Variants in ABCB5 observed in about 807,000 individuals in gnomAD.
The protein encoded by ABCB5 is ATP binding cassette subfamily B member 5.
ABCB5 carries 155 observed loss-of-function variants against 144.2 expected under a neutral mutation model. The ratio of observed to expected loss-of-function variants is 1.08; its 90% CI spans 0.94 to 1.23. ABCB5 has a LOEUF of 1.23. Ranked by LOEUF, ABCB5 falls within the 50% of genes most tolerant of loss-of-function variation. The probability of loss-of-function intolerance (pLI) is 0.00; values close to 1 mark genes in which losing one functional copy is unlikely to be tolerated. For synonymous variants in ABCB5, 610 were observed against 528.6 expected, an observed-to-expected ratio of 1.15 and a Z score of -2.11; for missense variants, 1,830 against 1,520.8, an observed-to-expected ratio of 1.20 and a Z score of -3.38.
chr7:20,672,181 G>T (rs137982398), intron 14 of ABCB5, among the ~76,000 whole-genome samples: 1 of 152,098 alleles, frequency 6.6e-6, no homozygotes, highest in African/African-American at 2.4e-5. Flanking sequence ...ACTGGGTTTT[G>T]AGAATTCTTT....
At chr7:20,633,468 T>C (rs546660335) in intron 5 of ABCB5, among the ~76,000 whole-genome samples, 2 of 152,264 alleles carry the variant, frequency 1.3e-5, no homozygotes, top group South Asian at 4.1e-4. Context: ...TAATTCTTTT[T>C]TTAATTAAAA....
chr7:20,643,095 CTCAA>C, intron 5 of ABCB5, 85 bp from the exon 6 acceptor site: 2 of 1,145,228 alleles, frequency 1.7e-6, no homozygotes, highest in Non-Finnish European at 2.4e-6. Context: ...CATAAATTTC[CTCAA>C]TCAAATACTG....
At chr7:20,755,172 C>G (rs1442057732) in intron 27 of ABCB5, among the ~76,000 whole-genome samples, 2 of 152,182 alleles carry the variant, frequency 1.3e-5, no homozygotes, top group Non-Finnish European at 2.9e-5. Context: ...TGGTCTCGAA[C>G]TCCTGACCTC....
In ABCB5 at chr7:20,645,768, T is replaced by C; in HGVS notation, c.691T>C (p.Leu231=). The C allele has an allele frequency of 6.2e-7, 1 of 1,613,792 alleles. No homozygotes were observed. Among genetic ancestry groups the C allele is most frequent in the Non-Finnish European group, 8.5e-7 (1 of 1,179,704 alleles). The change falls in exon 8 of 28, where the codon TTG becomes CTG. Residue 231 remains leucine, a synonymous_variant. Coordinates refer to ENST00000404938, the MANE Select transcript of ABCB5 (RefSeq NM_001163941.2). The part of the protein sequence containing the change: ...AAACSRMVIS[L]TSKELSAYSK... ...TGGTTTATTACAGATGGTCATCTCATTGACCAGTAAGGAATTAAGTGCCTA... is the reference window on the plus strand; with the variant it reads ...TGGTTTATTACAGATGGTCATCTCACTGACCAGTAAGGAATTAAGTGCCTA...
At chr7:20,662,727 G>C (rs532523287) in intron 14 of ABCB5, among the ~76,000 whole-genome samples, 1 of 152,290 alleles carries the variant, frequency 6.6e-6, no homozygotes, top group East Asian at 1.9e-4. Flanking sequence ...CACATTTGTA[G>C]CGCTTGATGT....
At chr7:20,736,350 T>A (rs745921999) in intron 23 of ABCB5, among the ~76,000 whole-genome samples, 13 of 152,168 alleles carry the variant, frequency 8.5e-5, no homozygotes, top group Non-Finnish European at 1.6e-4. Context: ...CCTGAGTAGC[T>A]AGCATTACAG....
At chr7:20,749,345 A>G (rs1466216788) in intron 26 of ABCB5, among the ~76,000 whole-genome samples, 1 of 121,482 alleles carries the variant, frequency 8.2e-6, no homozygotes, top group African/African-American at 3.3e-5. Context: ...CTCCCACCTC[A>G]CCCTCCCCGG....
Position 20,658,607 on chromosome 7 carries a change from G to C in ABCB5, c.1638G>C (p.Leu546=). 2 of 1,614,192 alleles carry C rather than the reference G, an allele frequency of 1.2e-6. No individual in the cohort carries two copies. The highest frequency in any genetic ancestry group is 1.7e-6 in the Non-Finnish European group (2 of 1,180,040). The change falls in exon 14 of 28, where the codon CTG becomes CTC. Residue 546 remains leucine (L), a synonymous_variant. Transcript: ENST00000404938. Reference sequence around the variant, plus strand: ...CCTTAGTTCGAAACCCCAAGATTCTGATTTTAGATGAGGCTACGTCTGCCC... The same window carrying C: ...CCTTAGTTCGAAACCCCAAGATTCTCATTTTAGATGAGGCTACGTCTGCCC... ...ARALVRNPKI[L]ILDEATSALD...
intron 14 of ABCB5, among the ~76,000 whole-genome samples, chr7:20,666,110 C>T (rs762934555): frequency 2.0e-5 from 3 of 148,770 alleles, no homozygotes; most frequent in Non-Finnish European, 4.4e-5. Context: ...GTGGAGGTTG[C>T]GGTGAGCCGA....
intron 20 of ABCB5, among the ~76,000 whole-genome samples, chr7:20,707,801 C>CTTTTCT (rs1786868736): frequency 1.1e-5 from 1 of 93,088 alleles, no homozygotes; most frequent in Non-Finnish European, 2.0e-5. Flanking sequence ...AACCTCATTT[C>CTTTTCT]TTTTTTTTTT....
At chr7:20,698,702 T>A (rs927469104) in intron 17 of ABCB5, 152 bp downstream of exon 17, 1 of 659,170 alleles carries the variant, frequency 1.5e-6, no homozygotes, top group Non-Finnish European at 2.3e-6. Context: ...GGTTAATTAA[T>A]GTTCCCAGGA....
At chr7:20,669,179 G>T (rs1190389164) in intron 14 of ABCB5, among the ~76,000 whole-genome samples, 253 of 148,402 alleles carry the variant, frequency 1.7e-3, no homozygotes, top group African/African-American at 6.1e-3. Flanking sequence ...GCCCCTACTG[G>T]GAAGTGAGGA....
chr7:20,658,257 T>G (rs1480281239), intron 13 of ABCB5, among the ~76,000 whole-genome samples: 1 of 152,032 alleles, frequency 6.6e-6, no homozygotes. Flanking sequence ...CTAAATACAT[T>G]TGATTATAAT....
At chr7:20,654,184 T>TG (rs1784693653) in intron 13 of ABCB5, among the ~76,000 whole-genome samples, 1 of 152,144 alleles carries the variant, frequency 6.6e-6, no homozygotes, top group African/African-American at 2.4e-5. Context: ...GCACTGTTTT[T>TG]TTTTTGTTTT....
chr7:20,623,819 A>C (rs1222941769), intron 2 of ABCB5, among the ~76,000 whole-genome samples: 1 of 152,212 alleles, frequency 6.6e-6, no homozygotes, highest in Non-Finnish European at 1.5e-5. Flanking sequence ...AAATAGTTTT[A>C]CATCTATTTT....
intron 11 of ABCB5, 44 bp downstream of exon 11, chr7:20,648,122 A>G (rs370636074): frequency 1.7e-6 from 2 of 1,162,914 alleles, no homozygotes; most frequent in East Asian, 2.4e-5. Context: ...TTCTGATATT[A>G]TCTTCTACTG....
chr7:20,700,282 G>C (rs1304528338), intron 19 of ABCB5, 147 bp downstream of exon 19: 1 of 683,890 alleles, frequency 1.5e-6, no homozygotes, highest in Admixed American at 3.3e-5. Flanking sequence ...TCTGATGTCA[G>C]AAGTCTTATA....
rs764215526 is a variant in ABCB5, at chr7:20,626,613, T to C, written c.108+2T>C. On this transcript the variant is annotated splice_donor_variant, in intron 3 of 27. Transcript: ENST00000404938. LOFTEE classifies it high-confidence loss of function. ...GAAGCAGTTGGATCTATTGAGATAGTAAGTGAAATCAGTTAGAAAGTACAT... is the reference window on the plus strand; with the variant it reads ...GAAGCAGTTGGATCTATTGAGATAGCAAGTGAAATCAGTTAGAAAGTACAT... 4.4e-6 allele frequency: 7 copies of C among 1,602,272 alleles called. No homozygotes were observed. Among genetic ancestry groups the C allele is most frequent in the African/African-American group, 1.3e-5 (1 of 74,774 alleles).
chr7:20,628,795 G>A lies in ABCB5; in HGVS notation c.216G>A (p.Met72Ile). 6.2e-7 allele frequency: 1 copy of A among 1,613,792 alleles called. No individual in the cohort carries two copies. Among genetic ancestry groups the A allele is most frequent in the Admixed American group, 1.7e-5 (1 of 59,960 alleles). The change falls in exon 4 of 28, where the codon ATG (methionine) becomes ATA (isoleucine). Residue 72 changes from methionine to isoleucine, a missense_variant. Transcript: ENST00000404938. ...LPLMPLVLGE[M>I]SDNLISGCLV... ...TAATGCCACTGGTTTTAGGAGAAAT[G>A]AGTGATAACCTTATTAGTGGATGTC...
Sources: gnomAD v4.1 joint callset for allele counts (sites outside exome capture counted in the v4.1 genomes callset) on GRCh38, gnomAD v4.1.1 for gene constraint, MANE v1.5 for transcripts, NCBI Gene and HGNC (gene_info 2026-07-23, HGNC 2026-07-21) for gene names.